Variants in TSBP1 observed in about 807,000 individuals in gnomAD.
TSBP1 encodes testis expressed basic protein 1.
In TSBP1, 56 loss-of-function variants were observed where a neutral mutation model predicts 68.8. That is an observed-to-expected ratio of 0.81 (90% confidence interval 0.66 to 1.02). TSBP1 has a LOEUF of 1.02. Among genes scored for constraint, TSBP1 ranks in the 50% least tolerant of loss-of-function variants. The probability of loss-of-function intolerance (pLI) is 0.00; values close to 1 mark genes in which losing one functional copy is unlikely to be tolerated. For synonymous variants in TSBP1, 171 were observed against 208.7 expected (o/e 0.82, Z 1.56); for missense variants, 502 against 641.2 (o/e 0.78, Z 2.34).
chr6:32,319,207 T>G (rs560324), intron 18 of TSBP1, among the ~76,000 whole-genome samples: 51,723 of 151,938 alleles, frequency 0.34, 9,899 homozygotes, highest in Middle Eastern at 0.52. Flanking sequence ...TAACCCTTGG[T>G]GTCTTCTTTT....
chr6:32,326,296 G>A, intron 16 of TSBP1: 2 of 691,542 alleles, frequency 2.9e-6, no homozygotes, highest in Non-Finnish European at 5.1e-6. Flanking sequence ...CTGGTACAAA[G>A]AAGACATGTT....
intron 19 of TSBP1, among the ~76,000 whole-genome samples, chr6:32,305,931 A>G (rs1190456893): frequency 6.6e-6 from 1 of 152,224 alleles, no homozygotes; most frequent in East Asian, 1.9e-4. Context: ...TGGCTCACTT[A>G]ATAAGAGACA....
At chr6:32,300,772 A>G (rs1484504844) in intron 20 of TSBP1, 72 bp from the exon 24 acceptor site, 1 of 1,207,640 alleles carries the variant, frequency 8.3e-7, no homozygotes, top group Non-Finnish European at 1.2e-6. Context: ...AAACCTCTGC[A>G]TTGAGTGGGA....
At chr6:32,349,888 G>T in intron 8 of TSBP1, 128 bp from the exon 9 acceptor site, 1 of 1,006,458 alleles carries the variant, frequency 9.9e-7, no homozygotes, top group Non-Finnish European at 1.6e-6. Flanking sequence ...TTATTTCCTG[G>T]TATCAATTGC....
chr6:32,295,560 C>T (rs1469459093), intron 22 of TSBP1, among the ~76,000 whole-genome samples: 2 of 152,118 alleles, frequency 1.3e-5, no homozygotes, highest in East Asian at 3.8e-4. Flanking sequence ...CCTGCCTCCG[C>T]ACCTGCCTAG....
rs9268364 is a variant in TSBP1, at chr6:32,365,648, C to T, written c.217+519G>A. ...GGATGTGGGCACTCATTAAGTTCTGCACATTTTTTCTGTGGGAGAAATTGT... is the reference window on the plus strand; with the variant it reads ...GGATGTGGGCACTCATTAAGTTCTGTACATTTTTTCTGTGGGAGAAATTGT... On this transcript the variant is annotated intron_variant, in intron 6 of 22. Transcript: ENST00000612031. This position sits in a 1 kb window ranked among gnomAD's most constrained non-coding sequence, Gnocchi z 4.3. The T allele has an allele frequency of 0.25, 115,774 of 455,128 alleles. 16,866 individuals carry two copies. Among genetic ancestry groups the T allele is most frequent in the African/African-American group, 0.44 (22,122 of 50,044 alleles). 28.2% of individuals were successfully genotyped at this position (455,128 alleles called of 1,614,324 possible). A position where few individuals can be genotyped will look rare whatever the true frequency, so the allele number is the denominator to read the frequency against.
chr6:32,340,416 T>G lies in TSBP1; in HGVS notation c.350-778A>C, dbSNP rs1044440204. Among the ~76,000 whole-genome samples, 2 of 152,174 alleles carry G rather than the reference T, an allele frequency of 1.3e-5. No homozygotes were observed. Among genetic ancestry groups the G allele is most frequent in the African/African-American group, 4.8e-5 (2 of 41,434 alleles). On this transcript the variant is annotated intron_variant, in intron 9 of 22. Coordinates refer to ENST00000612031, the Ensembl canonical transcript of TSBP1. The surrounding 1 kb of genome is among the most constrained non-coding windows in gnomAD (Gnocchi z 4.8). ...TCTACCCTCAGCATTTGGGAAGAGA[T>G]GTCTGTTTTTCTATGTGGTATTTTA...
intron 9 of TSBP1, among the ~76,000 whole-genome samples, chr6:32,346,565 C>T (rs534894714): frequency 5.9e-5 from 9 of 152,118 alleles, no homozygotes; most frequent in East Asian, 5.8e-4. Flanking sequence ...AGCCTGGGTG[C>T]GGTGTCTCAT....
At chr6:32,355,775 T>C in intron 6 of TSBP1, 106 bp from the exon 7 acceptor site, 1 of 1,377,386 alleles carries the variant, frequency 7.3e-7, no homozygotes, top group Admixed American at 2.8e-5. Flanking sequence ...AATATCCAGT[T>C]AGGCAAGAAA....
At chr6:32,362,672 G>A (rs900801924) in intron 6 of TSBP1, among the ~76,000 whole-genome samples, 1 of 152,012 alleles carries the variant, frequency 6.6e-6, no homozygotes, top group African/African-American at 2.4e-5. Context: ...ACTTATTTTT[G>A]CTTTTGTTAC....
In TSBP1 at chr6:32,369,952, C is replaced by CA; in HGVS notation, c.44dup (p.Leu17ThrfsTer15). ...ACAAAATAGCCAGGATGGCAAGTCC[C>CA]AGTAGAGTCAGGATGACAGCCAAAG... On this transcript the variant is annotated frameshift_variant, in exon 2 of 23. Coordinates refer to ENST00000612031, the Ensembl canonical transcript of TSBP1. LOFTEE classifies it high-confidence loss of function. The CA allele has an allele frequency of 6.2e-7, 1 of 1,612,390 alleles. No individual in the cohort carries two copies. Among genetic ancestry groups the CA allele is most frequent in the Non-Finnish European group, 8.5e-7 (1 of 1,179,428 alleles).
In TSBP1 at chr6:32,302,625, T is replaced by C. The variant is rs748788567; in HGVS notation, c.585A>G (p.Ile195Met). 13 of 1,547,606 alleles carry C rather than the reference T, an allele frequency of 8.4e-6. No homozygotes were observed. The highest frequency in any genetic ancestry group is 1.1e-5 in the Non-Finnish European group (13 of 1,150,006). The change falls in exon 20 of 23, where the codon ATA (isoleucine) becomes ATG (methionine). Residue 195 changes from isoleucine (I) to methionine (M), a missense_variant. Coordinates refer to ENST00000612031, the Ensembl canonical transcript of TSBP1. The surrounding 1 kb of genome is among the most constrained non-coding windows in gnomAD (Gnocchi z 5.1). ...GGAACTTACTAGTGTGAACTTGAGG[T>C]ATTCCTGAAAATCAAAACAAGAAAA...
chr6:32,292,977 A>T lies in TSBP1; in HGVS notation c.*4T>A. 1.3e-6 allele frequency: 2 copies of T among 1,580,458 alleles called. No homozygotes were observed. Among genetic ancestry groups the T allele is most frequent in the East Asian group, 2.2e-5 (1 of 44,704 alleles). On this transcript the variant is annotated 3_prime_UTR_variant, in exon 23 of 23. Coordinates refer to ENST00000612031, the Ensembl canonical transcript of TSBP1. This position sits in a 1 kb window ranked among gnomAD's most constrained non-coding sequence, Gnocchi z 4.1. ...TGTCTTATGGGCCTTTAAAAAATTT[A>T]TCCTTACTCTTCCACTTTTTTGTTG...
chr6:32,325,495 A>T lies in TSBP1; in HGVS notation c.515-1881T>A. The T allele has an allele frequency of 1.1e-6, 1 of 896,368 alleles. No homozygotes were observed. The highest frequency in any genetic ancestry group is 1.8e-6 in the Non-Finnish European group (1 of 541,532). 55.5% of individuals were successfully genotyped at this position (896,368 alleles called of 1,614,324 possible). A position where few individuals can be genotyped will look rare whatever the true frequency, so the allele number is the denominator to read the frequency against. ...GAACCAAAGAGAGCTGTCTCAAGAG[A>T]AGATTCTCAAATACCAGGTGCCCAC... On this transcript the variant is annotated intron_variant, in intron 16 of 22. Coordinates refer to ENST00000612031, the Ensembl canonical transcript of TSBP1. This position sits in a 1 kb window ranked among gnomAD's most constrained non-coding sequence, Gnocchi z 4.4.
At chr6:32,322,463 C>A in intron 18 of TSBP1, 23 bp downstream of exon 20, 1 of 1,576,178 alleles carries the variant, frequency 6.3e-7, no homozygotes, top group Non-Finnish European at 8.7e-7. Flanking sequence ...CACATATGAC[C>A]AGCTGAGAAG....
At chr6:32,332,281 AG>A (rs1432032433) in intron 14 of TSBP1, among the ~76,000 whole-genome samples, 5 of 152,210 alleles carry the variant, frequency 3.3e-5, no homozygotes, top group Admixed American at 2.6e-4. Context: ...AGGTTTTTAT[AG>A]GATCCTTGCC....
intron 19 of TSBP1, among the ~76,000 whole-genome samples, chr6:32,308,883 C>T (rs1766064809): frequency 6.6e-6 from 1 of 150,730 alleles, no homozygotes; most frequent in South Asian, 2.1e-4. Context: ...TTCCCTAATG[C>T]TTTAGGTCTA....
intron 2 of TSBP1, among the ~76,000 whole-genome samples, chr6:32,369,023 AG>A (rs1774084741): frequency 6.6e-6 from 1 of 152,136 alleles, no homozygotes; most frequent in Non-Finnish European, 1.5e-5. Flanking sequence ...GAGGGCTCAC[AG>A]GCATTGAGGA....
chr6:32,324,734 T>A, intron 16 of TSBP1: 4 of 1,548,356 alleles, frequency 2.6e-6, no homozygotes, highest in Non-Finnish European at 3.5e-6. Flanking sequence ...CTTTTCCTAC[T>A]CATTTTTTTT....
Sources: allele counts gnomAD v4.1 joint callset (sites outside exome capture counted in the v4.1 genomes callset), GRCh38; gene constraint gnomAD v4.1.1; non-coding constraint Gnocchi (gnomAD v3.1); transcripts MANE v1.5; gene names NCBI Gene and HGNC (gene_info 2026-07-23, HGNC 2026-07-21).